The following AGAP1 variants were observed in gnomAD, a reference collection of about 807,000 sequenced individuals.
AGAP1 encodes arf-GAP with GTPase, ANK repeat and PH domain-containing protein 1.
In AGAP1, 29 loss-of-function variants were observed where a neutral mutation model predicts 105.3. The observed-to-expected ratio is 0.28, with a 90% CI of 0.21 to 0.38. The LOEUF (loss-of-function observed/expected upper bound fraction) is 0.38, where lower values mean the gene tolerates loss of function less well. AGAP1 is among the 10% of genes least tolerant of loss of function. The probability of loss-of-function intolerance (pLI) is 1.00; values close to 1 mark genes in which losing one functional copy is unlikely to be tolerated. For missense variants in AGAP1, 998 were observed against 1,165.1 expected (o/e 0.86, Z 2.09); for synonymous variants, 509 against 485.9 (o/e 1.05, Z -0.63).
intron 1 of AGAP1, among the ~76,000 whole-genome samples, chr2:235,637,073 T>G (rs1947028071): frequency 6.6e-6 from 1 of 152,146 alleles, no homozygotes; most frequent in Non-Finnish European, 1.5e-5. Flanking sequence ...GTATGTCTGT[T>G]TCTGAAGCCA....
In AGAP1 at chr2:235,893,308, G is replaced by C. The variant is rs574864380; in HGVS notation, c.1155+9859G>C. Among the ~76,000 whole-genome samples, 3 of 150,894 alleles carry C rather than the reference G, an allele frequency of 2.0e-5. No homozygotes were observed. Among genetic ancestry groups the C allele is most frequent in the South Asian group, 4.2e-4 (2 of 4,730 alleles). On this transcript the variant is annotated intron_variant, in intron 10 of 17. Coordinates refer to ENST00000304032, the MANE Select transcript of AGAP1 (RefSeq NM_001037131.3). The surrounding 1 kb of genome is among the most constrained non-coding windows in gnomAD (Gnocchi z 4.7). ...GTGGGTGTAGCGTGTCTGTGGCGCA[G>C]GTGTGCCGTGTCTGTGGCATGGGTG...
At chr2:235,658,599 C>T (rs962700208) in intron 1 of AGAP1, among the ~76,000 whole-genome samples, 1 of 152,094 alleles carries the variant, frequency 6.6e-6, no homozygotes, top group African/African-American at 2.4e-5. Flanking sequence ...GAGGGGTGGA[C>T]AGGCTCAAAA....
chr2:235,921,724 T>A (rs903377181), intron 11 of AGAP1, among the ~76,000 whole-genome samples: 1 of 152,198 alleles, frequency 6.6e-6, no homozygotes, highest in African/African-American at 2.4e-5. Flanking sequence ...AACACCAGAT[T>A]TGTGTCTTCC....
intron 1 of AGAP1, among the ~76,000 whole-genome samples, chr2:235,564,030 C>T (rs1051919817): frequency 1.3e-5 from 2 of 152,090 alleles, no homozygotes; most frequent in East Asian, 1.9e-4. Flanking sequence ...TGTGTCATGG[C>T]GAGTATGTGG....
At position 235,905,080 on chromosome 2, in the gene AGAP1, G is replaced by A. The variant is rs1007992813; in HGVS notation, c.1156-3658G>A. Among the ~76,000 whole-genome samples the A allele has an allele frequency of 3.3e-5, 5 of 151,876 alleles. No individual in the cohort carries two copies. The highest frequency in any genetic ancestry group is 5.9e-5 in the Non-Finnish European group (4 of 67,982). ...CTAAAGATAAATGGGTTCCCTTGCC[G>A]CTTTCGAATCTGGAGAGCAGACACT... On this transcript the variant is annotated intron_variant, in intron 10 of 17. Transcript: ENST00000304032. The surrounding 1 kb of genome is among the most constrained non-coding windows in gnomAD (Gnocchi z 4.2).
intron 9 of AGAP1, among the ~76,000 whole-genome samples, chr2:235,826,335 G>A (rs566031865): frequency 6.6e-6 from 1 of 152,246 alleles, no homozygotes; most frequent in African/African-American, 2.4e-5. Context: ...CAGGGCCTGA[G>A]CAGGGATAAG....
At chr2:235,588,152 C>T (rs538138757) in intron 1 of AGAP1, among the ~76,000 whole-genome samples, 26 of 152,040 alleles carry the variant, frequency 1.7e-4, no homozygotes, top group African/African-American at 5.3e-4. Flanking sequence ...ATTGCTTGAA[C>T]CCGAGAGGTG....
At chr2:235,980,354 GGGT>G (rs1178426603) in intron 13 of AGAP1, among the ~76,000 whole-genome samples, 8 of 152,006 alleles carry the variant, frequency 5.3e-5, no homozygotes, top group Non-Finnish European at 1.2e-4. Flanking sequence ...ACCTTTCTTT[GGGT>G]TTTGCTTAAT....
Position 235,700,944 on chromosome 2 carries a change from T to C in AGAP1, c.164-8235T>C, listed in dbSNP as rs949720823. Among the ~76,000 whole-genome samples, 1 of 147,532 alleles carries C rather than the reference T, an allele frequency of 6.8e-6. No individual in the cohort carries two copies. The highest frequency in any genetic ancestry group is 1.5e-5 in the Non-Finnish European group (1 of 67,212). ...TGTATTACACATGCTAGCATATTTGTAATATATATATTATGTATTATGTAT... is the reference window on the plus strand; with the variant it reads ...TGTATTACACATGCTAGCATATTTGCAATATATATATTATGTATTATGTAT... On this transcript the variant is annotated intron_variant, in intron 1 of 17. Transcript: ENST00000304032. This position sits in a 1 kb window ranked among gnomAD's most constrained non-coding sequence, Gnocchi z 6.1.
chr2:235,709,546 C>G (rs1029604463), intron 2 of AGAP1, among the ~76,000 whole-genome samples: 10 of 141,158 alleles, frequency 7.1e-5, no homozygotes, highest in Admixed American at 7.1e-4. Context: ...CACACACACA[C>G]CCCCATGGGT....
intron 12 of AGAP1, among the ~76,000 whole-genome samples, chr2:235,952,676 C>T (rs1281114428): frequency 6.6e-6 from 1 of 151,958 alleles, no homozygotes; most frequent in Non-Finnish European, 1.5e-5. Context: ...ACAGTGCCTC[C>T]CCCTGAGTGG....
intron 1 of AGAP1, among the ~76,000 whole-genome samples, chr2:235,500,393 G>A (rs931226794): frequency 6.6e-6 from 1 of 152,158 alleles, no homozygotes; most frequent in Non-Finnish European, 1.5e-5. Context: ...CAGGACGCAC[G>A]AATGTGCCTC....
intron 9 of AGAP1, among the ~76,000 whole-genome samples, chr2:235,841,947 T>C (rs1221913063): frequency 1.3e-5 from 2 of 152,214 alleles, no homozygotes; most frequent in Non-Finnish European, 1.5e-5. Flanking sequence ...CGCTCATTAG[T>C]GAGTTAAGGA....
At position 236,115,684 on chromosome 2, in the gene AGAP1, C is replaced by T. The variant is rs191676173; in HGVS notation, c.2115-4508C>T. ...AAATTTCAGCTGCTAACAAGAATCA[C>T]GTCTGATGCAGACACAAAGCCCAGT... On this transcript the variant is annotated intron_variant, in intron 16 of 17. Transcript: ENST00000304032. 2.0e-3 allele frequency among the ~76,000 whole-genome samples: 311 copies of T among 152,342 alleles called. 2 individuals are homozygous for T. Among genetic ancestry groups the T allele is most frequent in the African/African-American group, 6.9e-3 (287 of 41,590 alleles).
intron 1 of AGAP1, among the ~76,000 whole-genome samples, chr2:235,518,524 G>A (rs1255894208): frequency 6.6e-6 from 1 of 152,160 alleles, no homozygotes; most frequent in Admixed American, 6.5e-5. Flanking sequence ...CTGACAAAGA[G>A]CCAGGGCGGA....
chr2:236,109,342 C>T lies in AGAP1; in HGVS notation c.2115-10850C>T, dbSNP rs1040022108. On this transcript the variant is annotated intron_variant, in intron 16 of 17. Transcript: ENST00000304032. The surrounding 1 kb of genome is among the most constrained non-coding windows in gnomAD (Gnocchi z 5.4). ...GTTTTGGGTACTGGTATCTATATGA[C>T]TTGCCTTTTCCTTTTAGTGATCTCC... is the stretch of plus-strand genomic sequence containing the variant. Among the ~76,000 whole-genome samples the T allele has an allele frequency of 3.9e-5, 6 of 152,176 alleles. No individual in the cohort carries two copies. Among genetic ancestry groups the T allele is most frequent in the African/African-American group, 1.4e-4 (6 of 41,436 alleles).
chr2:235,899,249 G>A (rs4663213), intron 10 of AGAP1, among the ~76,000 whole-genome samples: 124,227 of 152,184 alleles, frequency 0.82, 50,945 homozygotes, highest in East Asian at 0.99. Context: ...GCGGTGGCTC[G>A]CACCTGTAAT....
chr2:235,697,112 C>T (rs1950034452), intron 1 of AGAP1, among the ~76,000 whole-genome samples: 1 of 152,238 alleles, frequency 6.6e-6, no homozygotes, highest in Non-Finnish European at 1.5e-5. Flanking sequence ...GGGACAGCCC[C>T]AGGCACCAGC....
chr2:235,795,066 A>C (rs1391801780), intron 6 of AGAP1, among the ~76,000 whole-genome samples: 1 of 152,198 alleles, frequency 6.6e-6, no homozygotes, highest in East Asian at 1.9e-4. Context: ...ACAGAAGAGC[A>C]GCTCCCTCCC....
Sources: allele counts gnomAD v4.1 joint callset (sites outside exome capture counted in the v4.1 genomes callset), GRCh38; gene constraint gnomAD v4.1.1; non-coding constraint Gnocchi (gnomAD v3.1); transcripts MANE v1.5; gene names NCBI Gene and HGNC (gene_info 2026-07-23, HGNC 2026-07-21).